TBC1D1: variants seen among roughly 807,000 people sequenced by gnomAD.
TBC1D1 encodes the protein TBC1 (tre-2/USP6, BUB2, cdc16) domain family, member 1.
TBC1D1 carries 89 observed loss-of-function variants against 125.6 expected under a neutral mutation model. The observed-to-expected ratio is 0.71, with a 90% CI of 0.60 to 0.85. TBC1D1 has a LOEUF of 0.85. Among genes scored for constraint, TBC1D1 ranks in the 40% least tolerant of loss-of-function variants. The pLI is 0.00. For missense variants in TBC1D1, 1,377 were observed against 1,469.2 expected (o/e 0.94, Z 1.03); for synonymous variants, 565 against 564.1 (o/e 1.00, Z -0.02).
intron 15 of TBC1D1, among the ~76,000 whole-genome samples, chr4:38,105,677 G>A (rs1019204399): frequency 2.6e-5 from 4 of 152,156 alleles, no homozygotes; most frequent in African/African-American, 9.7e-5. Context: ...ATTTCTAAGT[G>A]AGAACATGTG....
At chr4:38,125,352 G>A (rs1051510164) in intron 18 of TBC1D1, among the ~76,000 whole-genome samples, 7 of 152,218 alleles carry the variant, frequency 4.6e-5, no homozygotes, top group Non-Finnish European at 8.8e-5. Flanking sequence ...TGGTGGCAAT[G>A]TTTAGCTGTA....
chr4:38,068,146 A>C (rs981497906), intron 12 of TBC1D1, among the ~76,000 whole-genome samples: 8 of 152,138 alleles, frequency 5.3e-5, no homozygotes, highest in South Asian at 2.1e-4. Flanking sequence ...ACAAAACAGG[A>C]GATATCAAGG....
intron 2 of TBC1D1, among the ~76,000 whole-genome samples, chr4:37,964,299 T>C (rs960546538): frequency 2.0e-5 from 3 of 152,188 alleles, no homozygotes; most frequent in African/African-American, 7.2e-5. Flanking sequence ...TCCCCTAGGC[T>C]TCAGTGCATG....
rs561610814 is a variant in TBC1D1 at position 37,914,415 on chromosome 4, G to A, written c.417+11903G>A. ...CAGCCAAAGCCTAGGAGTCGTCTTCGATTTCTCTTTTTCCATTATCCCTCA... is the reference window on the plus strand; with the variant it reads ...CAGCCAAAGCCTAGGAGTCGTCTTCAATTTCTCTTTTTCCATTATCCCTCA... On this transcript the variant is annotated intron_variant, in intron 2 of 19. Coordinates refer to ENST00000261439, the MANE Select transcript of TBC1D1 (RefSeq NM_015173.4). 1.1e-3 allele frequency among the ~76,000 whole-genome samples: 171 copies of A among 152,194 alleles called. 2 individuals are homozygous for A. Among genetic ancestry groups the A allele is most frequent in the Non-Finnish European group, 2.1e-3 (144 of 68,004 alleles).
intron 12 of TBC1D1, among the ~76,000 whole-genome samples, chr4:38,061,914 G>A (rs773044163): frequency 6.6e-5 from 10 of 152,180 alleles, no homozygotes; most frequent in South Asian, 2.1e-4. Flanking sequence ...AATAATTTAC[G>A]TACCAGCAGG....
intron 11 of TBC1D1, 66 bp from the exon 12 acceptor site, chr4:38,051,833 C>A: frequency 1.3e-6 from 2 of 1,489,336 alleles, no homozygotes. Flanking sequence ...CACCTGTTTG[C>A]TCCGTGTCCC....
chr4:37,994,037 T>C (rs1227016397), intron 2 of TBC1D1, among the ~76,000 whole-genome samples: 3 of 152,088 alleles, frequency 2.0e-5, no homozygotes, highest in Non-Finnish European at 4.4e-5. Flanking sequence ...TTCCCAGAAG[T>C]TGAGAGGCCT....
Position 38,137,551 on chromosome 4 carries a change from C to T in TBC1D1, c.*216C>T, listed in dbSNP as rs2152653708. 4 of 546,376 alleles carry T rather than the reference C, an allele frequency of 7.3e-6. No homozygotes were observed. Among genetic ancestry groups the T allele is most frequent in the South Asian group, 1.3e-4 (2 of 15,484 alleles). The allele number at this position is 546,376 out of a possible 1,614,324, so 33.8% of individuals were successfully genotyped here. ...GTTTTTAGATACTAAATCGTCCCTT[C>T]TCCAGTCCTGATTACTGTACACAGT... On this transcript the variant is annotated 3_prime_UTR_variant, in exon 20 of 20. Coordinates refer to ENST00000261439, the MANE Select transcript of TBC1D1 (RefSeq NM_015173.4).
rs1285558441 is a variant in TBC1D1 at position 38,096,100 on chromosome 4, A to G, written c.2398+10A>G. 8 of 1,609,580 alleles carry G rather than the reference A, an allele frequency of 5.0e-6. No homozygotes were observed. The highest frequency in any genetic ancestry group is 1.7e-4 in the Middle Eastern group (1 of 6,028). On this transcript the variant is annotated intron_variant, in intron 14 of 19. Coordinates refer to ENST00000261439, the MANE Select transcript of TBC1D1 (RefSeq NM_015173.4). ...TCGGCTGTTGGGCAAGGTAAGCTTC[A>G]TTGGGAAGCATCTAGTCAACCTCAC...
Position 38,020,406 on chromosome 4 carries a change from A to T in TBC1D1, c.973-185A>T, listed in dbSNP as rs191348561. Among the ~76,000 whole-genome samples, 191 of 152,298 alleles carry T rather than the reference A, an allele frequency of 1.3e-3. No individual in the cohort carries two copies. The Middle Eastern group carries it at 0.017, about 14-fold the overall frequency. On this transcript the variant is annotated intron_variant, in intron 4 of 19. Coordinates refer to ENST00000261439, the MANE Select transcript of TBC1D1 (RefSeq NM_015173.4). ...GGCACGAGAATCACTTGAACCCTGG[A>T]GACAGAGGTTGCAGTGAGCTGAGAT... is the stretch of plus-strand genomic sequence containing the variant.
chr4:37,988,485 G>T (rs1337609088), intron 2 of TBC1D1, among the ~76,000 whole-genome samples: 1 of 152,200 alleles, frequency 6.6e-6, no homozygotes, highest in Non-Finnish European at 1.5e-5. Context: ...ATGATAAACA[G>T]CTATCCTCTA....
Position 38,014,542 on chromosome 4 carries a change from G to C in TBC1D1, c.451G>C (p.Gly151Arg), listed in dbSNP as rs781401106. 6.2e-7 allele frequency: 1 copy of C among 1,613,272 alleles called. No individual in the cohort carries two copies. Among genetic ancestry groups the C allele is most frequent in the Admixed American group, 1.7e-5 (1 of 60,030 alleles). The stretch of plus-strand genomic sequence containing the variant: ...GATCATCAGCTCCATCCGTCAGGCG[G>C]GGAAGATCGCCCGGCAGGAGGAGCT... Residue 151 changes from glycine to arginine, a missense_variant, in exon 3 of 20, where the codon GGG becomes CGG. Physicochemically the swap from Gly to Arg is moderately radical, Grantham distance 125. Transcript: ENST00000261439. This position sits in a 1 kb window ranked among gnomAD's most constrained non-coding sequence, Gnocchi z 5.1.
At chr4:37,916,984 T>C (rs1262395087) in intron 2 of TBC1D1, among the ~76,000 whole-genome samples, 3 of 150,054 alleles carry the variant, frequency 2.0e-5, no homozygotes, top group Non-Finnish European at 4.4e-5. Flanking sequence ...TTGGCCAGGC[T>C]GGTCTTGAAC....
At chr4:37,998,800 G>A (rs182458091) in intron 2 of TBC1D1, among the ~76,000 whole-genome samples, 6 of 152,348 alleles carry the variant, frequency 3.9e-5, no homozygotes, top group Admixed American at 3.3e-4. Flanking sequence ...CAGTGGGCCT[G>A]ATAAGTGGTA....
Position 37,920,906 on chromosome 4 carries a change from T to C in TBC1D1, c.417+18394T>C, listed in dbSNP as rs551464497. ...CGGGCCGATCACGAGGCCAGGAGAT[T>C]GAGACCATCCTGGCTAACACGGTGA... On this transcript the variant is annotated intron_variant, in intron 2 of 19. Transcript: ENST00000261439. 2.9e-3 allele frequency among the ~76,000 whole-genome samples: 448 copies of C among 151,940 alleles called. 2 individuals are homozygous for C. The Middle Eastern group carries it at 0.041, about 14-fold the overall frequency.
At chr4:38,045,746 C>CA in intron 9 of TBC1D1, 71 bp from the exon 10 acceptor site, 1 of 1,094,106 alleles carries the variant, frequency 9.1e-7, no homozygotes, top group Non-Finnish European at 1.4e-6. Context: ...TTAAATGGAC[C>CA]AATCTGCTTC....
chr4:38,000,211 G>A (rs1031205092), intron 2 of TBC1D1, among the ~76,000 whole-genome samples: 1 of 152,184 alleles, frequency 6.6e-6, no homozygotes, highest in Non-Finnish European at 1.5e-5. Context: ...ATGACTCGTG[G>A]TGGTGGTGAT....
At chr4:38,052,335 G>GTTTTT (rs66650664) in intron 11 of TBC1D1, among the ~76,000 whole-genome samples, 2 of 141,164 alleles carry the variant, frequency 1.4e-5, no homozygotes, top group Admixed American at 7.0e-5. Context: ...GTTTGTGTTT[G>GTTTTT]TTTTTTTTTT....
chr4:37,900,597 G>C (rs1323058754), intron 1 of TBC1D1, among the ~76,000 whole-genome samples: 1 of 152,108 alleles, frequency 6.6e-6, no homozygotes, highest in Non-Finnish European at 1.5e-5. Context: ...CTTAGCATCT[G>C]TCCATATGCT....
Sources: gnomAD v4.1 joint callset for allele counts (sites outside exome capture counted in the v4.1 genomes callset) on GRCh38, gnomAD v4.1.1 for gene constraint, Gnocchi (gnomAD v3.1) non-coding constraint, MANE v1.5 for transcripts, NCBI Gene and HGNC (gene_info 2026-07-23, HGNC 2026-07-21) for gene names.